Variants in PPP1R1C observed in about 807,000 individuals in gnomAD.
PPP1R1C encodes protein phosphatase 1 regulatory subunit 1C.
A neutral mutation model predicts 17.4 loss-of-function variants in PPP1R1C; 15 were observed. The observed-to-expected ratio is 0.86, with a 90% confidence interval of 0.58 to 1.33. The LOEUF (loss-of-function observed/expected upper bound fraction) is 1.33, where lower values mean the gene tolerates loss of function less well. Ranked by LOEUF, PPP1R1C falls within the 40% of genes most tolerant of loss-of-function variation. PPP1R1C has a pLI of 0.00. For missense variants in PPP1R1C, 143 were observed against 130.0 expected (o/e 1.10, Z -0.48); for synonymous variants, 35 against 43.1 (o/e 0.81, Z 0.73).
intron 4 of PPP1R1C, among the ~76,000 whole-genome samples, chr2:182,095,498 T>G (rs1185910286): frequency 1.3e-5 from 2 of 152,186 alleles, no homozygotes; most frequent in Non-Finnish European, 1.5e-5. Context: ...AACCCTAAGT[T>G]TAATGTCAGC....
At chr2:182,050,593 TC>T (rs1687482385) in intron 2 of PPP1R1C, among the ~76,000 whole-genome samples, 1 of 152,154 alleles carries the variant, frequency 6.6e-6, no homozygotes, top group East Asian at 1.9e-4. Context: ...GGTTCTCTGA[TC>T]ATAGTGTCAC....
chr2:182,091,685 C>G (rs1446895612), intron 4 of PPP1R1C, among the ~76,000 whole-genome samples: 1 of 152,038 alleles, frequency 6.6e-6, no homozygotes, highest in Admixed American at 6.6e-5. Flanking sequence ...GACATCCCAC[C>G]CGGCACCATC....
upstream of PPP1R1C, among the ~76,000 whole-genome samples, chr2:181,982,375 A>G (rs1291654078): frequency 2.0e-5 from 3 of 152,332 alleles, no homozygotes; most frequent in Admixed American, 2.0e-4. Flanking sequence ...TTATTGGAAC[A>G]CCTTACGTTT....
intron 2 of PPP1R1C, among the ~76,000 whole-genome samples, chr2:182,022,740 C>G (rs970159708): frequency 1.3e-5 from 2 of 152,144 alleles, no homozygotes; most frequent in Non-Finnish European, 2.9e-5. Context: ...CATTAGAAAT[C>G]ATCATGGCCA....
Position 182,071,256 on chromosome 2 carries a change from A to G in PPP1R1C, c.241+7465A>G, listed in dbSNP as rs530767225. Reference sequence around the variant, plus strand: ...CCTTAGGCTCCTCTGGGATGTGACAATTTCTCAGACGTCCCTTGTTTGTGA... The same window carrying G: ...CCTTAGGCTCCTCTGGGATGTGACAGTTTCTCAGACGTCCCTTGTTTGTGA... On this transcript the variant is annotated intron_variant, in intron 4 of 4. Coordinates refer to ENST00000682840, the MANE Select transcript of PPP1R1C (RefSeq NM_001080545.3). 2.6e-5 allele frequency among the ~76,000 whole-genome samples: 4 copies of G among 152,184 alleles called. No homozygotes were observed. In the East Asian group the frequency reaches 5.8e-4, roughly 22 times the overall value.
At chr2:182,032,642 A>C (rs1686880700) in intron 2 of PPP1R1C, among the ~76,000 whole-genome samples, 1 of 152,146 alleles carries the variant, frequency 6.6e-6, no homozygotes, top group East Asian at 1.9e-4. Flanking sequence ...GTGGGCTCAA[A>C]GTTAGACTGC....
intron 2 of PPP1R1C, among the ~76,000 whole-genome samples, chr2:181,995,237 T>C (rs1245903813): frequency 6.6e-6 from 1 of 152,188 alleles, no homozygotes; most frequent in Non-Finnish European, 1.5e-5. Context: ...GATTAAAATG[T>C]TGTACAGTAC....
chr2:182,100,510 GA>G lies in PPP1R1C; in HGVS notation c.242-16683del, dbSNP rs34715175. On this transcript the variant is annotated intron_variant, in intron 4 of 4. Coordinates refer to ENST00000682840, the MANE Select transcript of PPP1R1C (RefSeq NM_001080545.3). ...AGCAACAGAGCGAGATTCCATCTCGGAAAAAAAAAAAAAAGACGGGGAGAAT... is the reference window on the plus strand; with the variant it reads ...AGCAACAGAGCGAGATTCCATCTCGGAAAAAAAAAAAAAGACGGGGAGAAT... 3.0e-3 allele frequency among the ~76,000 whole-genome samples: 393 copies of G among 130,676 alleles called. 1 individual carries two copies. The highest frequency in any genetic ancestry group is 8.3e-3 in the Middle Eastern group (2 of 240). The allele number at this position is 130,676 out of a possible 152,430, so 85.7% of individuals were successfully genotyped here.
chr2:182,086,497 G>A (rs1688634353), intron 4 of PPP1R1C, among the ~76,000 whole-genome samples: 1 of 152,078 alleles, frequency 6.6e-6, no homozygotes, highest in African/African-American at 2.4e-5. Context: ...CTTGTTATAG[G>A]ATTCTGCATT....
chr2:181,961,209 G>T lies in PPP1R1C; in HGVS notation n.111+6575G>T. On this transcript the variant is annotated intron_variant and non_coding_transcript_variant, in intron 1 of 5. Transcript: ENST00000464264. This position sits in a 1 kb window ranked among gnomAD's most constrained non-coding sequence, Gnocchi z 5.8. ...GGTACCCTGCTTCTGCTGGCTTGAT[G>T]TCTTAGAACTTTGGTGTCATTGGTC... The T allele has an allele frequency of 1.1e-6, 1 of 898,976 alleles. No homozygotes were observed. The allele number at this position is 898,976 out of a possible 1,614,324, so 55.7% of individuals were successfully genotyped here.
intron 2 of PPP1R1C, among the ~76,000 whole-genome samples, chr2:182,047,084 A>T (rs1488200686): frequency 6.6e-6 from 1 of 152,188 alleles, no homozygotes; most frequent in Admixed American, 6.5e-5. Flanking sequence ...ATGCTCTCAA[A>T]ATTTCCTGTC....
intron 2 of PPP1R1C, among the ~76,000 whole-genome samples, chr2:182,049,257 G>C (rs893052034): frequency 9.4e-5 from 14 of 148,976 alleles, no homozygotes; most frequent in African/African-American, 3.5e-4. Flanking sequence ...TTGAGCCTGG[G>C]AAGTGGAGGT....
At chr2:182,019,101 T>A (rs1467470217) in intron 2 of PPP1R1C, among the ~76,000 whole-genome samples, 1 of 152,188 alleles carries the variant, frequency 6.6e-6, no homozygotes, top group East Asian at 1.9e-4. Context: ...ATGAAAAAAT[T>A]CTTATACACA....
chr2:182,061,466 A>G lies in PPP1R1C; in HGVS notation c.167A>G (p.Asn56Ser), dbSNP rs555112342. 4 of 1,472,336 alleles carry G rather than the reference A, an allele frequency of 2.7e-6. No homozygotes were observed. The highest frequency in any genetic ancestry group is 3.6e-6 in the Non-Finnish European group (4 of 1,113,592). The allele number at this position is 1,472,336 out of a possible 1,614,324, so 91.2% of individuals were successfully genotyped here. A position where few individuals can be genotyped will look rare whatever the true frequency, so the allele number is the denominator to read the frequency against. The change falls in exon 3 of 5, where the codon AAC (asparagine) becomes AGC (serine). Residue 56 changes from asparagine to serine, a missense_variant. Coordinates refer to ENST00000682840, the MANE Select transcript of PPP1R1C (RefSeq NM_001080545.3). ...PPEIDDKRGP[N>S]TQGELQNASP... ...GAAATAGATGACAAGAGGGGGCCCA[A>G]CACACAAGGGGAAGTAAGTTTTTAA...
At chr2:181,973,094 C>T (rs1237838089) in intron 1 of PPP1R1C, among the ~76,000 whole-genome samples, 1 of 152,036 alleles carries the variant, frequency 6.6e-6, no homozygotes, top group East Asian at 1.9e-4. Context: ...CACTGGTGAT[C>T]CCCAAAACAG....
At chr2:182,007,491 A>G (rs1685956305) in intron 2 of PPP1R1C, among the ~76,000 whole-genome samples, 1 of 152,220 alleles carries the variant, frequency 6.6e-6, no homozygotes, top group Non-Finnish European at 1.5e-5. Context: ...TGTGTTGTAC[A>G]TAGTGCCTTA....
intron 2 of PPP1R1C, among the ~76,000 whole-genome samples, chr2:182,032,176 G>T (rs1294974285): frequency 6.6e-6 from 1 of 152,174 alleles, no homozygotes; most frequent in Non-Finnish European, 1.5e-5. Context: ...CAAAAGTCAA[G>T]GGGGCCATCC....
intron 2 of PPP1R1C, among the ~76,000 whole-genome samples, chr2:182,025,443 G>T (rs1259979614): frequency 7.2e-6 from 1 of 138,464 alleles, no homozygotes; most frequent in East Asian, 2.0e-4. Context: ...CCACCTATGA[G>T]TGAGAATATG....
chr2:181,997,338 G>A (rs1685644858), intron 2 of PPP1R1C, among the ~76,000 whole-genome samples: 1 of 150,548 alleles, frequency 6.6e-6, no homozygotes, highest in Admixed American at 6.6e-5. Flanking sequence ...GTAAAAAAAA[G>A]ACCCCACGTG....
Sources: allele counts gnomAD v4.1 joint callset (sites outside exome capture counted in the v4.1 genomes callset), GRCh38; gene constraint gnomAD v4.1.1; non-coding constraint Gnocchi (gnomAD v3.1); transcripts MANE v1.5; gene names NCBI Gene and HGNC (gene_info 2026-07-23, HGNC 2026-07-21).